The following CDH13 variants were observed in gnomAD, a reference collection of about 807,000 sequenced individuals.
CDH13 encodes the protein cadherin 13.
In CDH13, 24 loss-of-function variants were observed where a neutral mutation model predicts 63.8. The ratio of observed to expected loss-of-function variants is 0.38; its 90% CI spans 0.27 to 0.53. The LOEUF (loss-of-function observed/expected upper bound fraction) is 0.53. Ranked by LOEUF, CDH13 falls within the 20% of genes least tolerant of loss-of-function variation. The pLI, the probability that CDH13 is intolerant of heterozygous loss-of-function variation, is 0.85. For synonymous variants in CDH13, 503 were observed against 355.3 expected, an observed-to-expected ratio of 1.42 and a Z score of -4.67; for missense variants, 1,049 against 903.1, an observed-to-expected ratio of 1.16 and a Z score of -2.07.
chr16:82,855,790 G>A, intron 1 of CDH13, among the ~76,000 whole-genome samples: 1 of 152,160 alleles, frequency 6.6e-6, no homozygotes. Flanking sequence ...CTCTGATGTT[G>A]TTCAGGCCAG....
intron 2 of CDH13, among the ~76,000 whole-genome samples, chr16:82,959,929 G>T (rs1005573223): frequency 1.3e-5 from 2 of 152,132 alleles, no homozygotes; most frequent in African/African-American, 4.8e-5. Flanking sequence ...TCGCCCAAAA[G>T]TGCAATGTCT....
intron 2 of CDH13, among the ~76,000 whole-genome samples, chr16:82,930,415 T>A (rs2042452032): frequency 6.6e-6 from 1 of 152,166 alleles, no homozygotes; most frequent in South Asian, 2.1e-4. Context: ...ACTTTATATA[T>A]GTTATATTAA....
chr16:82,740,839 C>G (rs1455364880), intron 1 of CDH13, among the ~76,000 whole-genome samples: 1 of 152,082 alleles, frequency 6.6e-6, no homozygotes, highest in African/African-American at 2.4e-5. Flanking sequence ...TTCAAAGCCT[C>G]ATAGCAAAAG....
intron 4 of CDH13, among the ~76,000 whole-genome samples, chr16:83,196,508 C>T (rs1350606612): frequency 6.6e-6 from 1 of 151,834 alleles, no homozygotes; most frequent in Non-Finnish European, 1.5e-5. Flanking sequence ...AAGCTATAGA[C>T]TAGGAGAAAA....
At chr16:83,441,803 C>T (rs2072488032) in intron 6 of CDH13, among the ~76,000 whole-genome samples, 1 of 152,074 alleles carries the variant, frequency 6.6e-6, no homozygotes, top group Admixed American at 6.5e-5. Context: ...AGCTCTGGAC[C>T]CTATACTCTA....
chr16:83,096,403 A>T (rs950382608), intron 3 of CDH13, among the ~76,000 whole-genome samples: 1 of 152,208 alleles, frequency 6.6e-6, no homozygotes, highest in African/African-American at 2.4e-5. Context: ...GTTCCTGGGA[A>T]AGTTATCCAA....
At chr16:83,511,472 A>C (rs1003587123) in intron 7 of CDH13, among the ~76,000 whole-genome samples, 1 of 152,058 alleles carries the variant, frequency 6.6e-6, no homozygotes, top group Non-Finnish European at 1.5e-5. Context: ...AAAAAAAAAA[A>C]AAAGTTTCAT....
intron 6 of CDH13, among the ~76,000 whole-genome samples, chr16:83,413,403 C>G (rs567784106): frequency 1.3e-5 from 2 of 152,268 alleles, no homozygotes; most frequent in East Asian, 3.9e-4. Context: ...CACTCCTCCT[C>G]CATAGTCCAT....
At chr16:83,703,292 G>A (rs145089926) in intron 10 of CDH13, among the ~76,000 whole-genome samples, 9 of 152,288 alleles carry the variant, frequency 5.9e-5, no homozygotes, top group Non-Finnish European at 1.3e-4. Flanking sequence ...CAGAAATGGT[G>A]TCAAAAATGT....
intron 2 of CDH13, among the ~76,000 whole-genome samples, chr16:82,974,167 G>A (rs1909174534): frequency 6.6e-6 from 1 of 152,138 alleles, no homozygotes; most frequent in Admixed American, 6.5e-5. Flanking sequence ...TTGAACTCCT[G>A]ACCTCAAGTG....
intron 2 of CDH13, among the ~76,000 whole-genome samples, chr16:82,874,637 G>A (rs1250721048): frequency 6.6e-6 from 1 of 152,148 alleles, no homozygotes; most frequent in African/African-American, 2.4e-5. Context: ...ATAGAGGAAG[G>A]GGGGATTCCA....
At chr16:83,743,870 G>C (rs1443487472) in intron 10 of CDH13, among the ~76,000 whole-genome samples, 1 of 146,934 alleles carries the variant, frequency 6.8e-6, no homozygotes, top group African/African-American at 2.5e-5. Context: ...TCGGCCCTGG[G>C]GGTGCAGAGC....
intron 5 of CDH13, among the ~76,000 whole-genome samples, chr16:83,308,026 G>A (rs1050442583): frequency 2.8e-4 from 42 of 152,246 alleles, no homozygotes; most frequent in African/African-American, 9.1e-4. Flanking sequence ...AATCATTGGC[G>A]TGTATTACCT....
intron 3 of CDH13, among the ~76,000 whole-genome samples, chr16:83,119,729 C>T (rs190630232): frequency 1.8e-3 from 279 of 152,224 alleles, no homozygotes; most frequent in Middle Eastern, 3.4e-3. Flanking sequence ...AGAGTTGTCC[C>T]GAAGCAGGGT....
At chr16:82,714,452 G>A (rs948102015) in intron 1 of CDH13, among the ~76,000 whole-genome samples, 4 of 151,944 alleles carry the variant, frequency 2.6e-5, no homozygotes, top group Non-Finnish European at 2.9e-5. Context: ...GGTGGCTCAG[G>A]CCTGTAATCT....
At chr16:83,608,237 T>G (rs1376842458) in intron 8 of CDH13, among the ~76,000 whole-genome samples, 1 of 152,158 alleles carries the variant, frequency 6.6e-6, no homozygotes, top group Non-Finnish European at 1.5e-5. Context: ...AAAAACGACA[T>G]AAAACTTATA....
chr16:83,264,238 G>A (rs1907326022), intron 5 of CDH13, among the ~76,000 whole-genome samples: 1 of 151,940 alleles, frequency 6.6e-6, no homozygotes, highest in Non-Finnish European at 1.5e-5. Context: ...CTGTTCAATG[G>A]GAATTTAAGA....
chr16:82,960,660 C>G (rs1406187328), intron 2 of CDH13, among the ~76,000 whole-genome samples: 1 of 152,134 alleles, frequency 6.6e-6, no homozygotes, highest in Non-Finnish European at 1.5e-5. Context: ...GGTACGGTAA[C>G]CACAAGAACG....
At chr16:83,467,076 C>G (rs1238706038) in intron 6 of CDH13, among the ~76,000 whole-genome samples, 2 of 152,106 alleles carry the variant, frequency 1.3e-5, no homozygotes, top group African/African-American at 2.4e-5. Context: ...TCTAAAATTT[C>G]TCCATAAAAT....
Sources: gnomAD v4.1 joint callset for allele counts (sites outside exome capture counted in the v4.1 genomes callset) on GRCh38, gnomAD v4.1.1 for gene constraint, MANE v1.5 for transcripts, NCBI Gene and HGNC (gene_info 2026-07-23, HGNC 2026-07-21) for gene names.